The following MGAT4C variants were observed in gnomAD, a reference collection of about 807,000 sequenced individuals.
The protein encoded by MGAT4C is MGAT4 family member C.
In MGAT4C, 19 loss-of-function variants were observed where a neutral mutation model predicts 40.1. The observed-to-expected ratio is 0.47, with a 90% CI of 0.33 to 0.70. MGAT4C has a LOEUF of 0.70. Ranked by LOEUF, MGAT4C falls within the 30% of genes least tolerant of loss-of-function variation. MGAT4C has a pLI of 0.02. For missense variants in MGAT4C, 491 were observed against 563.2 expected (o/e 0.87, Z 1.30); for synonymous variants, 181 against 187.1 (o/e 0.97, Z 0.27).
chr12:86,648,174 G>A (rs959334748), intron 2 of MGAT4C, among the ~76,000 whole-genome samples: 6 of 151,852 alleles, frequency 4.0e-5, no homozygotes, highest in Admixed American at 3.9e-4. Context: ...ATTAAAAGAT[G>A]TAAATTTAGT....
rs563129872 is a variant in MGAT4C at position 86,682,884 on chromosome 12, C to T, written c.-229+44325G>A. ...ATAAAGAATGATGTGCTTGTCTGAACAACACTATCACCATCTCCTGTATTT... is the reference window on the plus strand; with the variant it reads ...ATAAAGAATGATGTGCTTGTCTGAATAACACTATCACCATCTCCTGTATTT... On this transcript the variant is annotated intron_variant, in intron 2 of 7. Coordinates refer to the MGAT4C transcript ENST00000548651. Among the ~76,000 whole-genome samples the T allele has an allele frequency of 5.3e-5, 8 of 152,304 alleles. No homozygotes were observed. In the South Asian group the frequency reaches 1.7e-3, roughly 32 times the overall value.
chr12:86,015,287 A>T (rs991776641), intron 2 of MGAT4C, among the ~76,000 whole-genome samples: 1 of 151,910 alleles, frequency 6.6e-6, no homozygotes, highest in Non-Finnish European at 1.5e-5. Flanking sequence ...AATGAAAAAA[A>T]GGAACTGGGG....
At chr12:86,004,124 G>T (rs924386785) in intron 2 of MGAT4C, among the ~76,000 whole-genome samples, 7 of 152,148 alleles carry the variant, frequency 4.6e-5, no homozygotes, top group Admixed American at 2.0e-4. Context: ...CAAAAAATTT[G>T]TTCTTTCACC....
At chr12:86,480,397 G>A (rs1006026807) in intron 2 of MGAT4C, among the ~76,000 whole-genome samples, 2 of 151,218 alleles carry the variant, frequency 1.3e-5, no homozygotes, top group Admixed American at 1.3e-4. Flanking sequence ...GCATACATGT[G>A]TACATATAAG....
At chr12:86,701,879 T>A (rs1950370014) in intron 2 of MGAT4C, among the ~76,000 whole-genome samples, 2 of 152,258 alleles carry the variant, frequency 1.3e-5, no homozygotes, top group Non-Finnish European at 2.9e-5. Context: ...TTTAGTGGTC[T>A]GGGTTAGAGG....
chr12:86,296,867 C>T (rs1953694661), intron 4 of MGAT4C, among the ~76,000 whole-genome samples: 1 of 152,242 alleles, frequency 6.6e-6, no homozygotes, highest in Admixed American at 6.5e-5. Flanking sequence ...CCAAAGGGCT[C>T]CTCAAGTGCC....
At chr12:86,623,235 G>A (rs1962693476) in intron 2 of MGAT4C, among the ~76,000 whole-genome samples, 1 of 152,048 alleles carries the variant, frequency 6.6e-6, no homozygotes, top group African/African-American at 2.4e-5. Context: ...CATAGATCAG[G>A]ACCAAGAATA....
At chr12:86,702,196 A>G (rs1397804965) in intron 2 of MGAT4C, among the ~76,000 whole-genome samples, 1 of 143,934 alleles carries the variant, frequency 6.9e-6, no homozygotes, top group African/African-American at 2.5e-5. Flanking sequence ...CACCACACCC[A>G]CACACCCAGC....
At chr12:86,394,335 T>C (rs576127692) in intron 3 of MGAT4C, among the ~76,000 whole-genome samples, 1 of 151,992 alleles carries the variant, frequency 6.6e-6, no homozygotes, top group Admixed American at 6.6e-5. Context: ...GTTATGTGAA[T>C]ATTTTCAGGC....
intron 2 of MGAT4C, among the ~76,000 whole-genome samples, chr12:86,484,459 G>T (rs1428958361): frequency 6.6e-6 from 1 of 152,178 alleles, no homozygotes; most frequent in Admixed American, 6.5e-5. Flanking sequence ...GCCCAACCTG[G>T]TGCTTTGCCT....
rs748425983 is a variant in MGAT4C at position 85,971,288 on chromosome 12, G to T, written c.*8001C>A. 6.6e-6 allele frequency: 1 copy of T among 151,234 alleles called. No individual in the cohort carries two copies. Among genetic ancestry groups the T allele is most frequent in the Non-Finnish European group, 1.5e-5 (1 of 67,380 alleles). The allele number at this position is 151,234 out of a possible 1,614,324, so 9.4% of individuals were successfully genotyped here. On this transcript the variant is annotated 3_prime_UTR_variant, in exon 5 of 5. Coordinates refer to ENST00000611864, the MANE Select transcript of MGAT4C (RefSeq NM_001351288.2). ...GCACCCAGTTATTTGGTGGTACGCT[G>T]AGTGAAAATATGTAGCTTTATCTAC... is the stretch of plus-strand genomic sequence containing the variant.
intron 4 of MGAT4C, among the ~76,000 whole-genome samples, chr12:86,284,075 A>G (rs1192992866): frequency 6.6e-6 from 1 of 152,108 alleles, no homozygotes; most frequent in African/African-American, 2.4e-5. Context: ...ATCTAAGCTA[A>G]ATGCACTGGC....
chr12:86,306,497 A>C (rs1953937749), intron 4 of MGAT4C, among the ~76,000 whole-genome samples: 1 of 150,568 alleles, frequency 6.6e-6, no homozygotes, highest in East Asian at 1.9e-4. Context: ...AAAGAGACAA[A>C]ATTAATAAAA....
intron 1 of MGAT4C, among the ~76,000 whole-genome samples, chr12:86,797,165 G>T (rs1593216457): frequency 6.6e-6 from 1 of 151,830 alleles, no homozygotes; most frequent in African/African-American, 2.4e-5. Context: ...AAATTCTGCT[G>T]TACTTTTATC....
chr12:86,061,937 G>A (rs1894020818), intron 1 of MGAT4C, among the ~76,000 whole-genome samples: 1 of 152,154 alleles, frequency 6.6e-6, no homozygotes, highest in Non-Finnish European at 1.5e-5. Context: ...AGGGGTGGCT[G>A]TGGGCACAGC....
At chr12:85,987,355 T>G (rs955675454) in intron 3 of MGAT4C, among the ~76,000 whole-genome samples, 1 of 151,758 alleles carries the variant, frequency 6.6e-6, no homozygotes, top group Non-Finnish European at 1.5e-5. Flanking sequence ...GCCGGGATGG[T>G]CTCGATCTCC....
rs770656314 is a variant in MGAT4C, at chr12:85,979,558, T to C, written c.1168A>G (p.Lys390Glu). 1 of 1,608,270 alleles carries C rather than the reference T, an allele frequency of 6.2e-7. No homozygotes were observed. Among genetic ancestry groups the C allele is most frequent in the Non-Finnish European group, 8.5e-7 (1 of 1,177,640 alleles). Residue 390 changes from lysine (K) to glutamate (E), a missense_variant, in exon 5 of 5, where the codon AAA becomes GAA. Lys to Glu is a moderately conservative substitution (Grantham distance 56). Transcript: ENST00000611864. Reference protein sequence around the residue: ...VIVFENPIIIKKIKVNTGTED... With the variant: ...VIVFENPIIIEKIKVNTGTED... ...GTTCCAGTATTTACTTTAATTTTTTTTATTATAATTGGATTTTCAAATACA... is the reference window on the plus strand; with the variant it reads ...GTTCCAGTATTTACTTTAATTTTTTCTATTATAATTGGATTTTCAAATACA...
At chr12:86,361,269 T>A (rs1268136360) in intron 3 of MGAT4C, among the ~76,000 whole-genome samples, 7 of 152,234 alleles carry the variant, frequency 4.6e-5, no homozygotes, top group East Asian at 1.9e-4. Flanking sequence ...GTGCTGGGAA[T>A]ACTGGCTAGC....
At chr12:86,478,495 T>C (rs889795080) in intron 2 of MGAT4C, among the ~76,000 whole-genome samples, 9 of 152,094 alleles carry the variant, frequency 5.9e-5, no homozygotes, top group African/African-American at 2.2e-4. Context: ...ATCTATGTCA[T>C]CTCAAATTGG....
Sources: allele counts gnomAD v4.1 joint callset (sites outside exome capture counted in the v4.1 genomes callset), GRCh38; gene constraint gnomAD v4.1.1; transcripts MANE v1.5; gene names NCBI Gene and HGNC (gene_info 2026-07-23, HGNC 2026-07-21).